Variants in TXK observed in about 807,000 individuals in gnomAD.
TXK encodes the protein tyrosine-protein kinase TXK.
In TXK, 60 loss-of-function variants were observed where a neutral mutation model predicts 81.0. The observed-to-expected ratio is 0.74, with a 90% CI of 0.60 to 0.92. The LOEUF is 0.92. TXK is among the 40% of genes least tolerant of loss of function. The probability of loss-of-function intolerance (pLI) is 0.00; values close to 1 mark genes in which losing one functional copy is unlikely to be tolerated. For synonymous variants in TXK, 203 were observed against 210.7 expected, an observed-to-expected ratio of 0.96 and a Z score of 0.32; for missense variants, 581 against 638.3, an observed-to-expected ratio of 0.91 and a Z score of 0.97.
chr4:48,120,160 T>C, intron 1 of TXK, among the ~76,000 whole-genome samples: 1 of 123,218 alleles, frequency 8.1e-6, no homozygotes, highest in Non-Finnish European at 2.0e-5. Flanking sequence ...TATATGCATA[T>C]ATATGTATAT....
intron 2 of TXK, among the ~76,000 whole-genome samples, chr4:48,113,989 CG>C (rs1560359710): frequency 6.6e-6 from 1 of 152,076 alleles, no homozygotes; most frequent in Admixed American, 6.5e-5. Context: ...TAAGATACAC[CG>C]GTAGTTTTGG....
chr4:48,109,566 G>C (rs558339661), intron 5 of TXK, among the ~76,000 whole-genome samples: 174 of 152,270 alleles, frequency 1.1e-3, no homozygotes, highest in South Asian at 0.011. Flanking sequence ...ATGGAGCTGA[G>C]GAGAGTGACT....
intron 1 of TXK, among the ~76,000 whole-genome samples, chr4:48,118,186 G>C (rs1236962560): frequency 6.6e-6 from 1 of 152,174 alleles, no homozygotes; most frequent in Non-Finnish European, 1.5e-5. Context: ...TGTGTTTCCT[G>C]AAGTTCTGGG....
In TXK at chr4:48,095,180, C is replaced by T; in HGVS notation, c.544G>A (p.Gly182Arg). 3 of 1,613,690 alleles carry T rather than the reference C, an allele frequency of 1.9e-6. No homozygotes were observed. Among genetic ancestry groups the T allele is most frequent in the Non-Finnish European group, 2.5e-6 (3 of 1,179,868 alleles). Reference protein sequence around the residue: ...AFIVRDSRHLGSYTISVFMGA... With the variant: ...AFIVRDSRHLRSYTISVFMGA... ...ATAAATACGGAAATTGTGTAGGATC[C>T]TAAATGTCTTGAATCTCTGACAATA... is the stretch of plus-strand genomic sequence containing the variant. Residue 182 changes from glycine to arginine, a missense_variant, in exon 7 of 15, where the codon GGA becomes AGA. Transcript: ENST00000264316.
chr4:48,122,376 T>C (rs897266207), intron 1 of TXK, among the ~76,000 whole-genome samples: 1 of 152,146 alleles, frequency 6.6e-6, no homozygotes. Flanking sequence ...TCCAGAGCAC[T>C]CCTCCCTCCT....
chr4:48,099,501 T>G (rs2109444262), intron 6 of TXK, among the ~76,000 whole-genome samples: 1 of 152,258 alleles, frequency 6.6e-6, no homozygotes, highest in Non-Finnish European at 1.5e-5. Context: ...GCCTGAAAAT[T>G]TTTTTCCCAA....
At chr4:48,090,139 G>A (rs1717708233) in intron 8 of TXK, among the ~76,000 whole-genome samples, 1 of 152,064 alleles carries the variant, frequency 6.6e-6, no homozygotes, top group African/African-American at 2.4e-5. Flanking sequence ...TTGAAAACAT[G>A]AACACATCCA....
intron 6 of TXK, among the ~76,000 whole-genome samples, chr4:48,100,923 T>A (rs11944828): frequency 0.011 from 1,638 of 151,886 alleles, 21 homozygotes; most frequent in Middle Eastern, 0.054. Flanking sequence ...TGTAAAAAAA[T>A]ATATATATAA....
chr4:48,105,741 C>T (rs1396049), intron 5 of TXK, among the ~76,000 whole-genome samples: 6,923 of 152,116 alleles, frequency 0.046, 519 homozygotes, highest in African/African-American at 0.16. Flanking sequence ...CATGAACTTG[C>T]CTCTAACACC....
chr4:48,097,984 C>A (rs1178342992), intron 6 of TXK, among the ~76,000 whole-genome samples: 5 of 144,654 alleles, frequency 3.5e-5, no homozygotes, highest in East Asian at 4.3e-4. Flanking sequence ...CCTCACCTTG[C>A]GATCCGCCCG....
rs562768000 is a variant in TXK, at chr4:48,067,438, C to T, written c.*199G>A. ...TACAGAAAAATAAGAGTGTGCAAAT[C>T]CCTCTCACACATAGAAAAACGATTG... On this transcript the variant is annotated 3_prime_UTR_variant, in exon 15 of 15. Coordinates refer to ENST00000264316, the MANE Select transcript of TXK (RefSeq NM_003328.3). 1.8e-6 allele frequency: 1 copy of T among 559,312 alleles called. No homozygotes were observed. Among genetic ancestry groups the T allele is most frequent in the African/African-American group, 1.9e-5 (1 of 53,196 alleles). 34.6% of individuals were successfully genotyped at this position (559,312 alleles called of 1,614,324 possible). A position where few individuals can be genotyped will look rare whatever the true frequency, so the allele number is the denominator to read the frequency against.
At chr4:48,100,142 C>A (rs1382228456) in intron 6 of TXK, among the ~76,000 whole-genome samples, 4 of 135,804 alleles carry the variant, frequency 2.9e-5, no homozygotes, top group Non-Finnish European at 4.6e-5. Flanking sequence ...ACAGCACTCC[C>A]GCCTGGGCGA....
chr4:48,125,474 TC>T (rs1159206074), intron 1 of TXK, among the ~76,000 whole-genome samples: 5 of 152,190 alleles, frequency 3.3e-5, no homozygotes, highest in African/African-American at 1.2e-4. Flanking sequence ...CCAACTCCTC[TC>T]TTCTGAGCCA....
chr4:48,112,858 T>C (rs111463149), intron 3 of TXK, among the ~76,000 whole-genome samples: 1,751 of 152,258 alleles, frequency 0.012, 32 homozygotes, highest in African/African-American at 0.04. Context: ...ATGGCCTTTT[T>C]CTTTTTATGT....
At chr4:48,126,195 C>T (rs1398356362) in intron 1 of TXK, among the ~76,000 whole-genome samples, 1 of 152,176 alleles carries the variant, frequency 6.6e-6, no homozygotes, top group Non-Finnish European at 1.5e-5. Flanking sequence ...AGACCAATCC[C>T]TCCTCTTCAT....
Position 48,079,911 on chromosome 4 carries a change from C to A in TXK, c.1173+1G>T. On this transcript the variant is annotated splice_donor_variant, in intron 11 of 14. Transcript: ENST00000264316. LOFTEE classifies it high-confidence loss of function. ...AAAAAGTAAATTTGCACCATACTTA[C>A]CAAATCCCTATGAATATAGCCATTC... 1 of 1,611,194 alleles carries A rather than the reference C, an allele frequency of 6.2e-7. No homozygotes were observed.
Position 48,066,778 on chromosome 4 carries a change from C to T in TXK, c.*859G>A, listed in dbSNP as rs1716620209. 1 of 152,172 alleles carries T rather than the reference C, an allele frequency of 6.6e-6. No individual in the cohort carries two copies. Among genetic ancestry groups the T allele is most frequent in the South Asian group, 2.1e-4 (1 of 4,826 alleles). The allele number at this position is 152,172 out of a possible 1,614,324, so 9.4% of individuals were successfully genotyped here. A position where few individuals can be genotyped will look rare whatever the true frequency, so the allele number is the denominator to read the frequency against. On this transcript the variant is annotated 3_prime_UTR_variant, in exon 15 of 15. Coordinates refer to ENST00000264316, the MANE Select transcript of TXK (RefSeq NM_003328.3). ...ATCCTGGATTTCCGAAACAATGGAG[C>T]TTGATGTCACATTTGGCTATCTTGC...
intron 1 of TXK, among the ~76,000 whole-genome samples, chr4:48,126,879 C>A (rs1407778253): frequency 6.6e-6 from 1 of 152,160 alleles, no homozygotes; most frequent in Non-Finnish European, 1.5e-5. Context: ...AAATGCCTCC[C>A]CCAGCTCCCT....
At chr4:48,090,150 A>T (rs777992926) in intron 8 of TXK, among the ~76,000 whole-genome samples, 3 of 152,220 alleles carry the variant, frequency 2.0e-5, no homozygotes, top group Non-Finnish European at 4.4e-5. Flanking sequence ...AACACATCCA[A>T]TATATTTTGC....
Sources: allele counts gnomAD v4.1 joint callset (sites outside exome capture counted in the v4.1 genomes callset), GRCh38; gene constraint gnomAD v4.1.1; transcripts MANE v1.5; gene names NCBI Gene and HGNC (gene_info 2026-07-23, HGNC 2026-07-21).